The following HAPLN1 variants were observed in gnomAD, a reference collection of about 807,000 sequenced individuals.
The protein encoded by HAPLN1 is hyaluronan and proteoglycan link protein 1.
HAPLN1 carries 13 observed loss-of-function variants against 36.5 expected under a neutral mutation model. The observed-to-expected ratio is 0.36, with a 90% CI of 0.23 to 0.57. The LOEUF (loss-of-function observed/expected upper bound fraction) is 0.57. Among genes scored for constraint, HAPLN1 ranks in the 20% least tolerant of loss-of-function variants. The probability of loss-of-function intolerance (pLI) is 0.83; values close to 1 mark genes in which losing one functional copy is unlikely to be tolerated. For missense variants in HAPLN1, 407 were observed against 439.7 expected, an observed-to-expected ratio of 0.93 and a Z score of 0.66; for synonymous variants, 202 against 169.8, an observed-to-expected ratio of 1.19 and a Z score of -1.48.
At chr5:83,659,089 C>G (rs889880672) in intron 2 of HAPLN1, among the ~76,000 whole-genome samples, 2 of 152,054 alleles carry the variant, frequency 1.3e-5, no homozygotes, top group Non-Finnish European at 2.9e-5. Flanking sequence ...GCCTGGCCAA[C>G]ATGGTGAAAC....
At chr5:83,664,892 C>T (rs779887004) in intron 2 of HAPLN1, among the ~76,000 whole-genome samples, 4 of 152,078 alleles carry the variant, frequency 2.6e-5, no homozygotes, top group East Asian at 3.9e-4. Flanking sequence ...TCTGTTTATA[C>T]GGAAACATTT....
chr5:83,710,308 A>G (rs567764720), intron 1 of HAPLN1, among the ~76,000 whole-genome samples: 2 of 152,304 alleles, frequency 1.3e-5, no homozygotes, highest in South Asian at 2.1e-4. Flanking sequence ...ACTGAGATAG[A>G]TTAACCATAG....
At chr5:83,666,826 T>C (rs1007570854) in intron 2 of HAPLN1, among the ~76,000 whole-genome samples, 6 of 152,118 alleles carry the variant, frequency 3.9e-5, no homozygotes, top group African/African-American at 1.4e-4. Context: ...AGGAGATGGT[T>C]TATATTTCCA....
At chr5:83,693,729 G>T (rs1213554562) in intron 1 of HAPLN1, among the ~76,000 whole-genome samples, 2 of 151,786 alleles carry the variant, frequency 1.3e-5, no homozygotes, top group Non-Finnish European at 3.0e-5. Flanking sequence ...ATCAGCAGGG[G>T]AAAAGAGAGC....
intron 1 of HAPLN1, among the ~76,000 whole-genome samples, chr5:83,720,052 G>T (rs1471076082): frequency 6.6e-6 from 1 of 152,192 alleles, no homozygotes; most frequent in Non-Finnish European, 1.5e-5. Flanking sequence ...TTCAATGGAA[G>T]AAAACTACTT....
At chr5:83,680,660 T>G (rs537170859) in intron 1 of HAPLN1, among the ~76,000 whole-genome samples, 2 of 152,294 alleles carry the variant, frequency 1.3e-5, no homozygotes, top group South Asian at 4.1e-4. Context: ...CGTCTTATCT[T>G]CCCCTGTGTT....
At chr5:83,693,406 T>C (rs913898922) in intron 1 of HAPLN1, among the ~76,000 whole-genome samples, 2 of 151,288 alleles carry the variant, frequency 1.3e-5, no homozygotes, top group East Asian at 1.9e-4. Flanking sequence ...CAAAAGAAGA[T>C]AGAAAAAGAA....
intron 2 of HAPLN1, among the ~76,000 whole-genome samples, chr5:83,662,329 C>A (rs1750429106): frequency 6.6e-6 from 1 of 152,140 alleles, no homozygotes; most frequent in Admixed American, 6.6e-5. Context: ...CTGTTGTTAT[C>A]ATTGTTAATT....
At chr5:83,699,690 C>T (rs950770086) in intron 1 of HAPLN1, among the ~76,000 whole-genome samples, 5 of 152,092 alleles carry the variant, frequency 3.3e-5, no homozygotes, top group Non-Finnish European at 7.3e-5. Flanking sequence ...TTGTGATTCA[C>T]GGGAACATTC....
Position 83,673,461 on chromosome 5 carries a change from G to T in HAPLN1, c.63C>A (p.Asn21Lys). The change falls in exon 2 of 5, where the codon AAC (asparagine) becomes AAA (lysine). Residue 21 changes from asparagine to lysine, a missense_variant. Physicochemically the swap from Asn to Lys is moderately conservative, Grantham distance 94. Transcript: ENST00000274341. ...TAGCTCTGTCATGATCCAGAGTATAGTTGTCTGAAAGATGATCAGCCCAGC... is the reference window on the plus strand; with the variant it reads ...TAGCTCTGTCATGATCCAGAGTATATTTGTCTGAAAGATGATCAGCCCAGC... ...SICWADHLSD[N>K]YTLDHDRAIH... 6.2e-7 allele frequency: 1 copy of T among 1,613,378 alleles called. No homozygotes were observed. Among genetic ancestry groups the T allele is most frequent in the Non-Finnish European group, 8.5e-7 (1 of 1,179,608 alleles).
chr5:83,691,009 C>G (rs1450970104), intron 1 of HAPLN1, among the ~76,000 whole-genome samples: 1 of 151,948 alleles, frequency 6.6e-6, no homozygotes, highest in Admixed American at 6.6e-5. Flanking sequence ...CTGTCTCAAA[C>G]AACTAAAAAG....
intron 1 of HAPLN1, among the ~76,000 whole-genome samples, chr5:83,701,839 T>G (rs777531804): frequency 1.3e-5 from 2 of 151,718 alleles, no homozygotes; most frequent in Non-Finnish European, 2.9e-5. Context: ...GGCAGGAGAA[T>G]TGCTTGAACC....
At chr5:83,715,179 T>G (rs1313590510) in intron 1 of HAPLN1, among the ~76,000 whole-genome samples, 1 of 152,212 alleles carries the variant, frequency 6.6e-6, no homozygotes, top group Non-Finnish European at 1.5e-5. Context: ...TGTTTAAAAT[T>G]CTTTTTACAG....
chr5:83,714,908 A>T (rs1195012685), intron 1 of HAPLN1, among the ~76,000 whole-genome samples: 1 of 152,230 alleles, frequency 6.6e-6, no homozygotes, highest in Non-Finnish European at 1.5e-5. Flanking sequence ...AACAGGATGG[A>T]TGTTGGATGC....
At chr5:83,652,879 T>A in intron 2 of HAPLN1, 55 bp from the exon 3 acceptor site, 9 of 1,432,690 alleles carry the variant, frequency 6.3e-6, no homozygotes, top group Non-Finnish European at 7.4e-6. Flanking sequence ...CTTTCAGACA[T>A]TTTCATAAAA....
intron 1 of HAPLN1, among the ~76,000 whole-genome samples, chr5:83,710,041 G>A (rs540584667): frequency 1.2e-4 from 19 of 152,298 alleles, no homozygotes; most frequent in African/African-American, 4.6e-4. Flanking sequence ...TCAGAAGAAA[G>A]AAAAAGACTT....
In HAPLN1 at chr5:83,667,654, A is replaced by C. The variant is rs1245505978; in HGVS notation, c.100+5770T>G. On this transcript the variant is annotated intron_variant, in intron 2 of 4. Coordinates refer to ENST00000274341, the MANE Select transcript of HAPLN1 (RefSeq NM_001884.4). ...AGTTTTAGGTGGGAGAGAGAAAATT[A>C]AGACAGAGTAACATGTATCCAGTTC... 2.0e-5 allele frequency among the ~76,000 whole-genome samples: 3 copies of C among 152,290 alleles called. No homozygotes were observed. In the East Asian group the frequency reaches 5.8e-4, roughly 29 times the overall value.
At chr5:83,643,339 G>T in intron 4 of HAPLN1, among the ~76,000 whole-genome samples, 1 of 139,158 alleles carries the variant, frequency 7.2e-6, no homozygotes, top group East Asian at 2.1e-4. Context: ...GACAGACAGG[G>T]TGATACCCTG....
chr5:83,687,627 C>T (rs536454504), intron 1 of HAPLN1, among the ~76,000 whole-genome samples: 21 of 152,292 alleles, frequency 1.4e-4, no homozygotes, highest in South Asian at 1.2e-3. Context: ...ACTGACTTGA[C>T]GAGAGTAATG....
Sources: gnomAD v4.1 joint callset for allele counts (sites outside exome capture counted in the v4.1 genomes callset) on GRCh38, gnomAD v4.1.1 for gene constraint, MANE v1.5 for transcripts, NCBI Gene and HGNC (gene_info 2026-07-23, HGNC 2026-07-21) for gene names.